ITGA9: variants seen among roughly 807,000 people sequenced by gnomAD.
ITGA9 encodes integrin alpha-9.
ITGA9 carries 56 observed loss-of-function variants against 127.8 expected under a neutral mutation model. The observed-to-expected ratio is 0.44, with a 90% CI of 0.35 to 0.55. The LOEUF is 0.55. ITGA9 is among the 20% of genes least tolerant of loss of function. The pLI is 0.00. For missense variants in ITGA9, 1,196 were observed against 1,347.1 expected, an observed-to-expected ratio of 0.89 and a Z score of 1.76; for synonymous variants, 508 against 514.5, an observed-to-expected ratio of 0.99 and a Z score of 0.17.
chr3:37,490,975 C>CCCTT lies in ITGA9; in HGVS notation c.545-3526_545-3525insCCTT, dbSNP rs548395527. ...GGTCTCAGATTTGGCTTCCCCCCCG[C>CCCTT]TTTTTTTTTTTTTTTTTTTGAGACC... On this transcript the variant is annotated intron_variant, in intron 4 of 27. Coordinates refer to ENST00000264741, the MANE Select transcript of ITGA9 (RefSeq NM_002207.3). Among the ~76,000 whole-genome samples, 192 of 105,068 alleles carry CCCTT rather than the reference C, an allele frequency of 1.8e-3. 21 individuals carry two copies. The highest frequency in any genetic ancestry group is 4.8e-3 in the Middle Eastern group (1 of 210). The allele number at this position is 105,068 out of a possible 152,430, so 68.9% of individuals were successfully genotyped here. A position where few individuals can be genotyped will look rare whatever the true frequency, so the allele number is the denominator to read the frequency against.
rs574438704 is a variant in ITGA9 at position 37,594,108 on chromosome 3, G to A, written c.1690-35079G>A. 3.5e-4 allele frequency among the ~76,000 whole-genome samples: 54 copies of A among 152,348 alleles called. No homozygotes were observed. In the East Asian group the frequency reaches 9.5e-3, roughly 27 times the overall value. ...GGCCAAGGGTGACAAGGTTGCCAGG[G>A]AGCCTGGGATCGGAGTTCCAGGGCC... On this transcript the variant is annotated intron_variant, in intron 15 of 27. Transcript: ENST00000264741.
chr3:37,796,549 C>G (rs368827791), intron 26 of ITGA9, among the ~76,000 whole-genome samples: 1 of 151,810 alleles, frequency 6.6e-6, no homozygotes, highest in East Asian at 1.9e-4. Flanking sequence ...AGCAGATGGA[C>G]AGGTTGATTG....
At chr3:37,676,927 G>A (rs926963921) in intron 17 of ITGA9, among the ~76,000 whole-genome samples, 14 of 152,038 alleles carry the variant, frequency 9.2e-5, no homozygotes, top group African/African-American at 3.4e-4. Flanking sequence ...CTGTTTTTCT[G>A]CCCATCAATA....
chr3:37,633,439 GC>G (rs1214430121), intron 16 of ITGA9, among the ~76,000 whole-genome samples: 2 of 152,062 alleles, frequency 1.3e-5, no homozygotes, highest in Non-Finnish European at 2.9e-5. Flanking sequence ...ACTTACATTA[GC>G]CTACAGTTGG....
At chr3:37,474,448 AG>A (rs1260740131) in intron 3 of ITGA9, among the ~76,000 whole-genome samples, 2 of 152,150 alleles carry the variant, frequency 1.3e-5, no homozygotes, top group Non-Finnish European at 2.9e-5. Flanking sequence ...AACACTGCAG[AG>A]GTTTTGTTTT....
intron 3 of ITGA9, 134 bp downstream of exon 3, chr3:37,473,594 T>C (rs1698460301): frequency 1.7e-6 from 1 of 596,774 alleles, no homozygotes. Flanking sequence ...CTTAGACAAA[T>C]GACTTATCTT....
At chr3:37,602,664 T>C (rs1699932782) in intron 15 of ITGA9, among the ~76,000 whole-genome samples, 1 of 152,194 alleles carries the variant, frequency 6.6e-6, no homozygotes, top group Non-Finnish European at 1.5e-5. Context: ...GTGAATGGGT[T>C]CATCCTGTCA....
chr3:37,645,489 A>T (rs1700368354), intron 16 of ITGA9, among the ~76,000 whole-genome samples: 1 of 152,160 alleles, frequency 6.6e-6, no homozygotes, highest in Admixed American at 6.5e-5. Flanking sequence ...ACTTGAACCC[A>T]GGAGGTAGAG....
intron 9 of ITGA9, 59 bp from the exon 10 acceptor site, chr3:37,517,445 T>A (rs1034202223): frequency 6.3e-6 from 8 of 1,266,894 alleles, no homozygotes; most frequent in Middle Eastern, 1.9e-4. Context: ...TTGATTTTTA[T>A]TGTTTGTTCT....
At chr3:37,607,184 G>T (rs142314220) in intron 15 of ITGA9, among the ~76,000 whole-genome samples, 1 of 151,858 alleles carries the variant, frequency 6.6e-6, no homozygotes, top group African/African-American at 2.4e-5. Context: ...GGAACTCTCA[G>T]TGTTTGTCCA....
Position 37,613,337 on chromosome 3 carries a change from T to C in ITGA9, c.1690-15850T>C, listed in dbSNP as rs371661456. 2.6e-5 allele frequency among the ~76,000 whole-genome samples: 4 copies of C among 152,170 alleles called. No individual in the cohort carries two copies. The South Asian group carries it at 6.2e-4, about 24-fold the overall frequency. On this transcript the variant is annotated intron_variant, in intron 15 of 27. Coordinates refer to ENST00000264741, the MANE Select transcript of ITGA9 (RefSeq NM_002207.3). ...CATAGTATTCCATGGTGTATATGTG[T>C]CACATTTTCTTAATCCAGTCTATCA... is the stretch of plus-strand genomic sequence containing the variant.
intron 8 of ITGA9, among the ~76,000 whole-genome samples, chr3:37,512,124 CTTTT>C (rs1559524822): frequency 0.021 from 321 of 15,284 alleles, 31 homozygotes; most frequent in African/African-American, 0.042. Flanking sequence ...TTCCTTCTTT[CTTTT>C]CTTTTCTTTT....
intron 15 of ITGA9, among the ~76,000 whole-genome samples, chr3:37,576,822 G>C (rs938775640): frequency 6.6e-6 from 1 of 152,218 alleles, no homozygotes; most frequent in Admixed American, 6.5e-5. Flanking sequence ...GCTCAGGCTG[G>C]TGTCGAACTC....
rs145351582 is a variant in ITGA9 at position 37,666,905 on chromosome 3, A to G, written c.1916+13115A>G. Among the ~76,000 whole-genome samples, 96 of 152,210 alleles carry G rather than the reference A, an allele frequency of 6.3e-4. No homozygotes were observed. The Middle Eastern group carries it at 0.014, about 22-fold the overall frequency. On this transcript the variant is annotated intron_variant, in intron 17 of 27. Transcript: ENST00000264741. The stretch of plus-strand genomic sequence containing the variant: ...TATATCTGAGAAGTGAAGGAGCTGG[A>G]GTGTTTGTACCCCAATTCCTGAGAT...
chr3:37,479,884 C>T (rs1698534121), intron 3 of ITGA9, among the ~76,000 whole-genome samples: 2 of 152,180 alleles, frequency 1.3e-5, no homozygotes, highest in Non-Finnish European at 2.9e-5. Context: ...GACACCTCTG[C>T]TCACCTTCCA....
chr3:37,540,042 G>A (rs1164809063), intron 14 of ITGA9, among the ~76,000 whole-genome samples: 1 of 152,218 alleles, frequency 6.6e-6, no homozygotes, highest in Non-Finnish European at 1.5e-5. Context: ...CCGGACAGCA[G>A]AGAAATGGTA....
intron 5 of ITGA9, among the ~76,000 whole-genome samples, chr3:37,501,855 G>C (rs1214580332): frequency 6.6e-6 from 1 of 152,216 alleles, no homozygotes; most frequent in African/African-American, 2.4e-5. Context: ...TGCAGTCTGA[G>C]GGGGCAGTGG....
chr3:37,711,967 T>G (rs1368085633), intron 18 of ITGA9, among the ~76,000 whole-genome samples: 5 of 152,140 alleles, frequency 3.3e-5, no homozygotes, highest in Non-Finnish European at 7.3e-5. Context: ...AAGTCACCTG[T>G]ACAGTTGGGG....
intron 18 of ITGA9, among the ~76,000 whole-genome samples, chr3:37,690,788 G>A (rs1227315447): frequency 2.6e-5 from 4 of 152,168 alleles, no homozygotes; most frequent in African/African-American, 4.8e-5. Context: ...AGGAATTCAG[G>A]GAAATTTCTT....
Sources: gnomAD v4.1 joint callset for allele counts (sites outside exome capture counted in the v4.1 genomes callset) on GRCh38, gnomAD v4.1.1 for gene constraint, MANE v1.5 for transcripts, NCBI Gene and HGNC (gene_info 2026-07-23, HGNC 2026-07-21) for gene names.